Variants in TRIM42 observed in about 807,000 individuals in gnomAD.
The protein encoded by TRIM42 is tripartite motif-containing protein 42.
In TRIM42, 59 loss-of-function variants were observed where a neutral mutation model predicts 64.9. The observed-to-expected ratio is 0.91, with a 90% CI of 0.74 to 1.13. The LOEUF (loss-of-function observed/expected upper bound fraction) is 1.13, where lower values mean the gene tolerates loss of function less well. Ranked by LOEUF, TRIM42 falls within the 50% of genes most tolerant of loss-of-function variation. The probability of loss-of-function intolerance (pLI) is 0.00; values close to 1 mark genes in which losing one functional copy is unlikely to be tolerated. For missense variants in TRIM42, 878 were observed against 929.5 expected (o/e 0.94, Z 0.72); for synonymous variants, 354 against 346.3 (o/e 1.02, Z -0.25).
At position 140,683,047 on chromosome 3, in the gene TRIM42, C is replaced by G. The variant is rs771270972; in HGVS notation, c.927C>G (p.Leu309=). 1.8e-5 allele frequency: 29 copies of G among 1,614,100 alleles called. No individual in the cohort carries two copies. The highest frequency in any genetic ancestry group is 2.3e-5 in the Non-Finnish European group (27 of 1,180,050). ...IEYCRNDNKL[L]CTFCKFSFHN... ...ACTGCCGCAATGACAACAAATTGCT[C>G]TGCACCTTCTGCAAGTTCTCTTTCC... The change falls in exon 2 of 5, where the codon CTC becomes CTG. Residue 309 remains leucine, a synonymous_variant. Transcript: ENST00000286349.
In TRIM42 at chr3:140,682,985, A is replaced by G. The variant is rs760153352; in HGVS notation, c.865A>G (p.Ile289Val). The G allele has an allele frequency of 1.2e-6, 2 of 1,614,232 alleles. No homozygotes were observed. Among genetic ancestry groups the G allele is most frequent in the East Asian group, 4.5e-5 (2 of 44,886 alleles). The change falls in exon 2 of 5, where the codon ATC becomes GTC. Residue 289 changes from isoleucine (I) to valine (V), a missense_variant. Coordinates refer to ENST00000286349, the MANE Select transcript of TRIM42 (RefSeq NM_152616.5). ...DTSAEEQDEK[I>V]CIHHPSSRII... ...CAGCGCCGAGGAACAGGACGAGAAGATCTGCATCCACCACCCATCCAGCCG... is the reference window on the plus strand; with the variant it reads ...CAGCGCCGAGGAACAGGACGAGAAGGTCTGCATCCACCACCCATCCAGCCG...
intron 4 of TRIM42, 90 bp from the exon 5 acceptor site, chr3:140,700,798 T>G (rs1988980614): frequency 8.8e-7 from 1 of 1,131,720 alleles, no homozygotes; most frequent in South Asian, 1.4e-5. Flanking sequence ...GTTAATGAAA[T>G]GATGTGTGTA....
intron 2 of TRIM42, among the ~76,000 whole-genome samples, chr3:140,684,703 T>A (rs974610563): frequency 6.6e-6 from 1 of 152,306 alleles, no homozygotes; most frequent in Admixed American, 6.5e-5. Flanking sequence ...GAAGACTTCA[T>A]ATTAAAGGAA....
chr3:140,687,607 C>T, intron 2 of TRIM42, 115 bp from the exon 3 acceptor site: 2 of 753,368 alleles, frequency 2.7e-6, no homozygotes, highest in Non-Finnish European at 4.2e-6. Context: ...CAAGTGCCTT[C>T]CCTCCCTCTT....
At chr3:140,690,140 T>C (rs1000432369) in intron 3 of TRIM42, among the ~76,000 whole-genome samples, 2 of 152,196 alleles carry the variant, frequency 1.3e-5, no homozygotes, top group African/African-American at 2.4e-5. Context: ...TCATAGTGCT[T>C]AGCAATGCAG....
intron 2 of TRIM42, among the ~76,000 whole-genome samples, chr3:140,687,182 GA>G (rs1391455812): frequency 6.6e-6 from 1 of 152,106 alleles, no homozygotes; most frequent in African/African-American, 2.4e-5. Flanking sequence ...ACAAAGGGGG[GA>G]AAAGGGCATC....
At chr3:140,689,124 T>C (rs1988641195) in intron 3 of TRIM42, among the ~76,000 whole-genome samples, 1 of 152,226 alleles carries the variant, frequency 6.6e-6, no homozygotes, top group African/African-American at 2.4e-5. Flanking sequence ...TAAGTGCCAT[T>C]GCCTGGCCTC....
At chr3:140,685,356 CATGTGATTCT>C (rs1988523216) in intron 2 of TRIM42, among the ~76,000 whole-genome samples, 1 of 152,202 alleles carries the variant, frequency 6.6e-6, no homozygotes, top group Admixed American at 6.5e-5. Flanking sequence ...AAAAACTCCT[CATGTGATTCT>C]ATGGTGCAGC....
At chr3:140,693,803 T>G (rs76618487) in intron 4 of TRIM42, among the ~76,000 whole-genome samples, 1 of 152,204 alleles carries the variant, frequency 6.6e-6, no homozygotes, top group Non-Finnish European at 1.5e-5. Context: ...TTTTAAGAGA[T>G]TTATTTGGTG....
At position 140,687,946 on chromosome 3, in the gene TRIM42, G is replaced by A. The variant is rs766406724; in HGVS notation, c.1264G>A (p.Glu422Lys). 50 of 1,614,156 alleles carry A rather than the reference G, an allele frequency of 3.1e-5. No individual in the cohort carries two copies. The South Asian group carries it at 4.1e-4, about 13-fold the overall frequency. ...YVYVTTMKVN[E>K]MDGLIAYSKE... ...GTATGTTACAACCATGAAAGTGAACGAGATGGATGGTCTGATCGCCTACTC... is the reference window on the plus strand; with the variant it reads ...GTATGTTACAACCATGAAAGTGAACAAGATGGATGGTCTGATCGCCTACTC... Residue 422 changes from glutamate (E) to lysine (K), a missense_variant, in exon 3 of 5, where the codon GAG (glutamate) becomes AAG (lysine). Coordinates refer to ENST00000286349, the MANE Select transcript of TRIM42 (RefSeq NM_152616.5).
At chr3:140,694,021 C>T (rs1576421190) in intron 4 of TRIM42, among the ~76,000 whole-genome samples, 1 of 152,210 alleles carries the variant, frequency 6.6e-6, no homozygotes, top group East Asian at 1.9e-4. Flanking sequence ...AAAAATGAGG[C>T]CTCATAGAAG....
intron 4 of TRIM42, among the ~76,000 whole-genome samples, chr3:140,697,474 C>G (rs890846965): frequency 2.6e-5 from 4 of 152,076 alleles, no homozygotes; most frequent in African/African-American, 9.7e-5. Flanking sequence ...ACAGTTTCAC[C>G]TTTCAAATTT....
chr3:140,683,377 CACCTATGAA>C (rs1988467243), intron 2 of TRIM42, among the ~76,000 whole-genome samples: 1 of 152,056 alleles, frequency 6.6e-6, no homozygotes, highest in Admixed American at 6.5e-5. Context: ...TTGCTTTTCT[CACCTATGAA>C]ACGGGAATAG....
At chr3:140,699,836 G>A (rs1988953483) in intron 4 of TRIM42, among the ~76,000 whole-genome samples, 1 of 152,146 alleles carries the variant, frequency 6.6e-6, no homozygotes, top group East Asian at 1.9e-4. Context: ...ATGCAGCCCT[G>A]TCTTCTCTAA....
intron 1 of TRIM42, among the ~76,000 whole-genome samples, chr3:140,681,578 G>A (rs538918087): frequency 6.6e-6 from 1 of 152,170 alleles, no homozygotes; most frequent in Admixed American, 6.5e-5. Context: ...ACAGGTTCTA[G>A]GCTTGGCTCA....
Position 140,686,354 on chromosome 3 carries a change from C to A in TRIM42, c.1040-1368C>A, listed in dbSNP as rs139052355. Among the ~76,000 whole-genome samples, 367 of 152,314 alleles carry A rather than the reference C, an allele frequency of 2.4e-3. 10 individuals carry two copies. The highest frequency in any genetic ancestry group is 2.4e-4 in the Non-Finnish European group (16 of 68,022). On this transcript the variant is annotated intron_variant, in intron 2 of 4. Transcript: ENST00000286349. The stretch of plus-strand genomic sequence containing the variant: ...TCTCACCTGCATCACCTCATCTTTT[C>A]TGAGCCAGTGTGAGGAAGGAGGTGG...
intron 1 of TRIM42, among the ~76,000 whole-genome samples, chr3:140,679,311 T>G (rs1160897420): frequency 6.6e-6 from 1 of 152,146 alleles, no homozygotes; most frequent in South Asian, 2.1e-4. Flanking sequence ...TCATTTGGAG[T>G]GCTAACCCTT....
chr3:140,682,770 G>A lies in TRIM42; in HGVS notation c.650G>A (p.Arg217His), dbSNP rs374472845. ...TACCTGCACGGGCGTCTCACCAAGCGCTACATGCAGGAGCACGGCTACCTC... is the reference window on the plus strand; with the variant it reads ...TACCTGCACGGGCGTCTCACCAAGCACTACATGCAGGAGCACGGCTACCTC... ...ENYLHGRLTK[R>H]YMQEHGYLKW... Residue 217 changes from arginine (R) to histidine (H), a missense_variant, in exon 2 of 5, where the codon CGC becomes CAC. By Grantham distance (29) the Arg-to-His change is conservative. Coordinates refer to ENST00000286349, the MANE Select transcript of TRIM42 (RefSeq NM_152616.5). The A allele has an allele frequency of 1.5e-5, 25 of 1,613,218 alleles. No individual in the cohort carries two copies. The African/African-American group carries it at 2.1e-4, about 14-fold the overall frequency.
rs537814983 is a variant in TRIM42, at chr3:140,685,114, A to C, written c.1039+1955A>C. ...TTGCTGAAGAAACAGACACACAAAA[A>C]TTTTTTAACCAGGGTTCAAACTTGT... On this transcript the variant is annotated intron_variant, in intron 2 of 4. Coordinates refer to ENST00000286349, the MANE Select transcript of TRIM42 (RefSeq NM_152616.5). Among the ~76,000 whole-genome samples the C allele has an allele frequency of 9.2e-5, 14 of 152,314 alleles. No homozygotes were observed. In the South Asian group the frequency reaches 2.9e-3, roughly 32 times the overall value.
Sources: gnomAD v4.1 joint callset for allele counts (sites outside exome capture counted in the v4.1 genomes callset) on GRCh38, gnomAD v4.1.1 for gene constraint, MANE v1.5 for transcripts, NCBI Gene and HGNC (gene_info 2026-07-23, HGNC 2026-07-21) for gene names.